ANGPT1: variants seen among roughly 807,000 people sequenced by gnomAD.
The protein encoded by ANGPT1 is angiopoietin-1.
Under a neutral mutation model 62.2 loss-of-function variants are expected in ANGPT1, and 17 were observed. The observed-to-expected ratio is 0.27, with a 90% CI of 0.19 to 0.41. The LOEUF is 0.41. Among genes scored for constraint, ANGPT1 ranks in the 10% least tolerant of loss-of-function variants. The pLI, the probability that ANGPT1 is intolerant of heterozygous loss-of-function variation, is 1.00. For synonymous variants in ANGPT1, 199 were observed against 198.9 expected (o/e 1.00, Z 0.00); for missense variants, 478 against 594.9 (o/e 0.80, Z 2.04).
At chr8:107,415,653 G>A (rs1250665125) in intron 1 of ANGPT1, among the ~76,000 whole-genome samples, 1 of 152,174 alleles carries the variant, frequency 6.6e-6, no homozygotes, top group African/African-American at 2.4e-5. Flanking sequence ...GGAAGCAATA[G>A]AGTATATCAC....
rs997306941 is a variant in ANGPT1, at chr8:107,468,672, A to G, written c.297+28590T>C. Among the ~76,000 whole-genome samples the G allele has an allele frequency of 1.1e-4, 16 of 152,172 alleles. No homozygotes were observed. In the East Asian group the frequency reaches 1.9e-3, roughly 18 times the overall value. On this transcript the variant is annotated intron_variant, in intron 1 of 8. Transcript: ENST00000517746. The stretch of plus-strand genomic sequence containing the variant: ...CCACAACTGAAAGAAAATTTTATAC[A>G]AAGTATGGCAATAGAAAATAAGATC...
rs922588487 is a variant in ANGPT1, at chr8:107,251,974, T to G, written c.1378A>C (p.Met460Leu). ...TGGTTTTGTCCCGCAGTATAGAACA[T>G]TCCATTTAGATTGGAGGGGCCACAA... ...DACGPSNLNG[M>L]FYTAGQNHGK... Residue 460 changes from methionine (M) to leucine (L), a missense_variant, in exon 9 of 9, where the codon ATG (methionine) becomes CTG (leucine). Coordinates refer to ENST00000517746, the MANE Select transcript of ANGPT1 (RefSeq NM_001146.5). 1 of 1,613,816 alleles carries G rather than the reference T, an allele frequency of 6.2e-7. No homozygotes were observed. Among genetic ancestry groups the G allele is most frequent in the Non-Finnish European group, 8.5e-7 (1 of 1,179,826 alleles).
intron 1 of ANGPT1, among the ~76,000 whole-genome samples, chr8:107,480,447 A>T (rs1812648360): frequency 6.6e-6 from 1 of 152,210 alleles, no homozygotes; most frequent in Non-Finnish European, 1.5e-5. Flanking sequence ...ATGCTTTACA[A>T]AAATTTTATG....
At chr8:107,255,455 G>A (rs1813336268) in intron 8 of ANGPT1, among the ~76,000 whole-genome samples, 1 of 152,138 alleles carries the variant, frequency 6.6e-6, no homozygotes, top group Admixed American at 6.5e-5. Context: ...TGGGCAATGG[G>A]AAGCCTGGAG....
At chr8:107,296,907 T>C (rs191291417) in intron 5 of ANGPT1, among the ~76,000 whole-genome samples, 6 of 152,192 alleles carry the variant, frequency 3.9e-5, no homozygotes, top group African/African-American at 1.4e-4. Flanking sequence ...GTACAGTTTT[T>C]AAATTACTGT....
chr8:107,379,260 G>A (rs994754975), intron 1 of ANGPT1, among the ~76,000 whole-genome samples: 1 of 117,688 alleles, frequency 8.5e-6, no homozygotes, highest in Non-Finnish European at 1.8e-5. Flanking sequence ...TGCACCTAGA[G>A]TAGACCACCT....
chr8:107,354,971 G>A (rs1302335524), intron 1 of ANGPT1, among the ~76,000 whole-genome samples: 3 of 151,138 alleles, frequency 2.0e-5, no homozygotes, highest in Non-Finnish European at 4.4e-5. Flanking sequence ...AGTGCAGTGG[G>A]GCAATCTCAG....
intron 1 of ANGPT1, among the ~76,000 whole-genome samples, chr8:107,437,059 G>A (rs1445295953): frequency 1.3e-5 from 2 of 152,106 alleles, no homozygotes; most frequent in Non-Finnish European, 2.9e-5. Flanking sequence ...ACCAGGAACT[G>A]CTGGTTGGGT....
At chr8:107,396,558 G>A (rs1816940459) in intron 1 of ANGPT1, among the ~76,000 whole-genome samples, 1 of 95,624 alleles carries the variant, frequency 1.0e-5, no homozygotes, top group Admixed American at 1.7e-4. Context: ...GTTTCACTTA[G>A]TCACCCAGGC....
intron 1 of ANGPT1, among the ~76,000 whole-genome samples, chr8:107,488,651 A>C (rs7013053): frequency 0.65 from 99,562 of 152,070 alleles, 32,683 homozygotes; most frequent in East Asian, 0.79. Context: ...GAACAACTAT[A>C]ACCTTATACC....
intron 7 of ANGPT1, among the ~76,000 whole-genome samples, chr8:107,279,555 T>A (rs982717928): frequency 2.6e-5 from 4 of 152,194 alleles, no homozygotes; most frequent in African/African-American, 9.7e-5. Flanking sequence ...TATCAGTGCC[T>A]GTGACCTTGT....
intron 7 of ANGPT1, among the ~76,000 whole-genome samples, chr8:107,271,017 A>G (rs1417607631): frequency 6.6e-6 from 1 of 151,992 alleles, no homozygotes; most frequent in Non-Finnish European, 1.5e-5. Context: ...ATAAGTACGA[A>G]TGAAAGAAAT....
intron 7 of ANGPT1, among the ~76,000 whole-genome samples, chr8:107,265,235 A>G (rs1344194506): frequency 6.6e-6 from 1 of 152,116 alleles, no homozygotes; most frequent in Non-Finnish European, 1.5e-5. Context: ...CTATTTACTA[A>G]CCCCAGGAAT....
chr8:107,382,270 C>A (rs1363013574), intron 1 of ANGPT1, among the ~76,000 whole-genome samples: 1 of 151,912 alleles, frequency 6.6e-6, no homozygotes, highest in African/African-American at 2.4e-5. Context: ...ATAAAACTTC[C>A]CCTTCCCTAT....
At chr8:107,349,510 G>A (rs1159069792) in intron 1 of ANGPT1, among the ~76,000 whole-genome samples, 2 of 152,070 alleles carry the variant, frequency 1.3e-5, no homozygotes, top group African/African-American at 4.8e-5. Flanking sequence ...TTACAGATAA[G>A]TCTCCATTAT....
At chr8:107,378,255 C>T (rs1430206303) in intron 1 of ANGPT1, among the ~76,000 whole-genome samples, 1 of 152,026 alleles carries the variant, frequency 6.6e-6, no homozygotes, top group African/African-American at 2.4e-5. Flanking sequence ...CTTTAGGAAC[C>T]ATATATTTTA....
chr8:107,268,863 C>G (rs1307194882), intron 7 of ANGPT1, among the ~76,000 whole-genome samples: 1 of 151,944 alleles, frequency 6.6e-6, no homozygotes, highest in Non-Finnish European at 1.5e-5. Context: ...GTAGAAGGGA[C>G]TGATATATTG....
At chr8:107,357,513 C>T (rs1487042495) in intron 1 of ANGPT1, among the ~76,000 whole-genome samples, 1 of 152,126 alleles carries the variant, frequency 6.6e-6, no homozygotes, top group Non-Finnish European at 1.5e-5. Flanking sequence ...GAACTACAGA[C>T]CACCCCAGCA....
At chr8:107,422,266 C>T (rs567158348) in intron 1 of ANGPT1, among the ~76,000 whole-genome samples, 1 of 152,092 alleles carries the variant, frequency 6.6e-6, no homozygotes, top group Non-Finnish European at 1.5e-5. Context: ...TTAAACTTGT[C>T]GGCAACCTGG....
Sources: gnomAD v4.1 joint callset for allele counts (sites outside exome capture counted in the v4.1 genomes callset) on GRCh38, gnomAD v4.1.1 for gene constraint, MANE v1.5 for transcripts, NCBI Gene and HGNC (gene_info 2026-07-23, HGNC 2026-07-21) for gene names.